The following GRIP1 variants were observed in gnomAD, a reference collection of about 807,000 sequenced individuals.
GRIP1 encodes the protein glutamate receptor-interacting protein 1.
In GRIP1, 45 loss-of-function variants were observed where a neutral mutation model predicts 129.9. That is an observed-to-expected ratio of 0.35 (90% confidence interval 0.27 to 0.44). GRIP1 has a LOEUF of 0.44. GRIP1 is among the 20% of genes least tolerant of loss of function. The pLI, the probability that GRIP1 is intolerant of heterozygous loss-of-function variation, is 1.00. For synonymous variants in GRIP1, 530 were observed against 520.8 expected, an observed-to-expected ratio of 1.02 and a Z score of -0.24; for missense variants, 1,196 against 1,396.8, an observed-to-expected ratio of 0.86 and a Z score of 2.29.
At chr12:66,843,007 C>A (rs2039748749) in intron 1 of GRIP1, among the ~76,000 whole-genome samples, 1 of 152,014 alleles carries the variant, frequency 6.6e-6, no homozygotes, top group Non-Finnish European at 1.5e-5. Flanking sequence ...GAGATTAATT[C>A]ATCTGTTTAA....
chr12:67,001,641 C>G (rs2042552195), intron 1 of GRIP1, among the ~76,000 whole-genome samples: 1 of 152,128 alleles, frequency 6.6e-6, no homozygotes, highest in East Asian at 1.9e-4. Flanking sequence ...GTGCCTGCAT[C>G]CCTACATGGT....
At chr12:66,392,966 T>C in intron 17 of GRIP1, 150 bp from the exon 18 acceptor site, 2 of 764,242 alleles carry the variant, frequency 2.6e-6, no homozygotes, top group Non-Finnish European at 2.3e-6. Context: ...GGCAATGTTA[T>C]AAGATAACTG....
chr12:66,756,468 T>C (rs1389690819), intron 1 of GRIP1, among the ~76,000 whole-genome samples: 1 of 152,220 alleles, frequency 6.6e-6, no homozygotes, highest in Non-Finnish European at 1.5e-5. Flanking sequence ...CTCCTGAAAA[T>C]AGATCCTTGA....
intron 1 of GRIP1, among the ~76,000 whole-genome samples, chr12:67,020,802 T>C (rs2042854734): frequency 6.6e-6 from 1 of 152,130 alleles, no homozygotes; most frequent in Non-Finnish European, 1.5e-5. Flanking sequence ...TCCACATATT[T>C]AAAATATATA....
intron 1 of GRIP1, among the ~76,000 whole-genome samples, chr12:66,793,234 T>C (rs2038596121): frequency 6.6e-6 from 1 of 152,194 alleles, no homozygotes; most frequent in Non-Finnish European, 1.5e-5. Context: ...AGACACAAAA[T>C]GCATTCATAT....
chr12:66,361,426 A>T (rs1454115290), intron 23 of GRIP1, among the ~76,000 whole-genome samples: 4 of 152,212 alleles, frequency 2.6e-5, no homozygotes, highest in Admixed American at 2.6e-4. Flanking sequence ...CCCAACCAAA[A>T]AAGTTACACA....
chr12:66,797,538 A>G (rs2136895424), intron 1 of GRIP1, among the ~76,000 whole-genome samples: 1 of 152,308 alleles, frequency 6.6e-6, no homozygotes, highest in South Asian at 2.1e-4. Context: ...AGTCCCATTA[A>G]GAGAATTATA....
intron 1 of GRIP1, among the ~76,000 whole-genome samples, chr12:66,932,975 G>A (rs2041424004): frequency 6.6e-6 from 1 of 152,142 alleles, no homozygotes; most frequent in Non-Finnish European, 1.5e-5. Context: ...CCCAATATCA[G>A]TGTATTTTAA....
intron 1 of GRIP1, among the ~76,000 whole-genome samples, chr12:66,855,538 A>G (rs1592905395): frequency 1.3e-5 from 2 of 152,086 alleles, no homozygotes; most frequent in East Asian, 3.9e-4. Flanking sequence ...CTTTAGAAAG[A>G]TAAAAACAAT....
At chr12:67,022,342 C>T (rs2042879784) in intron 1 of GRIP1, among the ~76,000 whole-genome samples, 1 of 152,172 alleles carries the variant, frequency 6.6e-6, no homozygotes, top group Non-Finnish European at 1.5e-5. Flanking sequence ...TCACCTATTG[C>T]TAGACATTTG....
chr12:66,574,015 T>C (rs1249541524), intron 2 of GRIP1, among the ~76,000 whole-genome samples: 1 of 152,332 alleles, frequency 6.6e-6, no homozygotes, highest in Non-Finnish European at 1.5e-5. Context: ...GATCTTTTTT[T>C]CCCCCAAATC....
At chr12:66,520,318 A>G (rs2060962672) in intron 5 of GRIP1, among the ~76,000 whole-genome samples, 1 of 152,194 alleles carries the variant, frequency 6.6e-6, no homozygotes, top group African/African-American at 2.4e-5. Context: ...TTGAACAGGG[A>G]AAATCCTCCA....
In GRIP1 at chr12:66,371,675, G is replaced by A. The variant is rs374870806; in HGVS notation, c.3012+19C>T. The A allele has an allele frequency of 4.6e-6, 7 of 1,537,142 alleles. No homozygotes were observed. Among genetic ancestry groups the A allele is most frequent in the African/African-American group, 1.4e-5 (1 of 73,434 alleles). On this transcript the variant is annotated intron_variant, in intron 23 of 24. Coordinates refer to ENST00000359742, the MANE Select transcript of GRIP1 (RefSeq NM_001366722.1). ...GCTGCCAAATTTGACCCTAGGGAAA[G>A]AAGAGAAAGCTTACTGACCTTGTGC...
chr12:66,761,297 C>T (rs534456429), intron 1 of GRIP1, among the ~76,000 whole-genome samples: 1 of 152,214 alleles, frequency 6.6e-6, no homozygotes, highest in South Asian at 2.1e-4. Context: ...TAAGTACATG[C>T]ATCTTTGTCT....
chr12:66,454,576 CTTTCTT>C (rs1344787292), intron 11 of GRIP1, among the ~76,000 whole-genome samples: 4 of 152,162 alleles, frequency 2.6e-5, no homozygotes, highest in African/African-American at 9.7e-5. Context: ...ATTTATATTT[CTTTCTT>C]TTTAAGGCAT....
At chr12:66,737,908 T>A (rs978300921) in intron 1 of GRIP1, among the ~76,000 whole-genome samples, 1 of 152,138 alleles carries the variant, frequency 6.6e-6, no homozygotes, top group Non-Finnish European at 1.5e-5. Flanking sequence ...ACAGTTGTGA[T>A]CACGCACTGA....
chr12:66,886,308 G>A (rs1005349427), intron 1 of GRIP1, among the ~76,000 whole-genome samples: 2 of 151,912 alleles, frequency 1.3e-5, no homozygotes, highest in African/African-American at 4.8e-5. Flanking sequence ...CTATATAATT[G>A]AGGCTTTTAA....
chr12:66,657,481 C>CCT (rs1409400671), intron 1 of GRIP1, among the ~76,000 whole-genome samples: 2 of 152,128 alleles, frequency 1.3e-5, no homozygotes, highest in African/African-American at 4.8e-5. Context: ...CTAAACTGAG[C>CCT]CTCTATTCAA....
intron 1 of GRIP1, among the ~76,000 whole-genome samples, chr12:66,789,073 G>A (rs1376650432): frequency 2.6e-5 from 4 of 152,148 alleles, no homozygotes; most frequent in Non-Finnish European, 5.9e-5. Flanking sequence ...ACTTTAAAAT[G>A]CAATTTCAGT....
Sources: gnomAD v4.1 joint callset for allele counts (sites outside exome capture counted in the v4.1 genomes callset) on GRCh38, gnomAD v4.1.1 for gene constraint, MANE v1.5 for transcripts, NCBI Gene and HGNC (gene_info 2026-07-23, HGNC 2026-07-21) for gene names.